The following DCLK3 variants were observed in gnomAD, a reference collection of about 807,000 sequenced individuals.
DCLK3 encodes the protein doublecortin like kinase 3.
DCLK3 carries 30 observed loss-of-function variants against 46.4 expected under a neutral mutation model. That is an observed-to-expected ratio of 0.65 (90% CI 0.48 to 0.88). The LOEUF (loss-of-function observed/expected upper bound fraction) is 0.88. Ranked by LOEUF, DCLK3 falls within the 40% of genes least tolerant of loss-of-function variation. The probability of loss-of-function intolerance (pLI) is 0.00; values close to 1 mark genes in which losing one functional copy is unlikely to be tolerated. For synonymous variants in DCLK3, 401 were observed against 339.2 expected (o/e 1.18, Z -2.00); for missense variants, 846 against 907.1 (o/e 0.93, Z 0.87).
intron 1 of DCLK3, among the ~76,000 whole-genome samples, chr3:36,758,824 A>G (rs1701511891): frequency 6.6e-6 from 1 of 152,238 alleles, no homozygotes; most frequent in Admixed American, 6.5e-5. Flanking sequence ...GAGAAAATTG[A>G]GCCATCATAA....
At chr3:36,741,403 T>C (rs1214164842) in intron 1 of DCLK3, among the ~76,000 whole-genome samples, 2 of 152,158 alleles carry the variant, frequency 1.3e-5, no homozygotes, top group Non-Finnish European at 2.9e-5. Context: ...TTAGCCTATA[T>C]CCTGGACTGA....
rs1323574861 is a variant in DCLK3 at position 36,739,015 on chromosome 3, C to G, written c.152G>C (p.Gly51Ala). Residue 51 changes from glycine to alanine, a missense_variant, in exon 2 of 5, where the codon GGC (glycine) becomes GCC (alanine). By Grantham distance (60) the Gly-to-Ala change is moderately conservative. Around this residue, in one of 3 missense-constraint regions of DCLK3, gnomAD observed 553 missense variants for 543.0 expected, o/e 1.02. Transcript: ENST00000636136. Reference sequence around the variant, plus strand: ...CCCTCGGCTGGCAGGCAGCCAGGAGCCTTGCAGCTTCCGCTCTGTGATTCT... The same window carrying G: ...CCCTCGGCTGGCAGGCAGCCAGGAGGCTTGCAGCTTCCGCTCTGTGATTCT... ...SSRITERKLQ[G>A]SWLPASRGNL... The G allele has an allele frequency of 2.5e-6, 1 of 398,842 alleles. No homozygotes were observed. Among genetic ancestry groups the G allele is most frequent in the Admixed American group, 4.4e-5 (1 of 22,718 alleles). 24.7% of individuals were successfully genotyped at this position (398,842 alleles called of 1,614,324 possible). A position where few individuals can be genotyped will look rare whatever the true frequency, so the allele number is the denominator to read the frequency against.
At chr3:36,730,223 C>T (rs200432601) in intron 2 of DCLK3, among the ~76,000 whole-genome samples, 2 of 144,566 alleles carry the variant, frequency 1.4e-5, no homozygotes, top group Admixed American at 6.8e-5. Context: ...CACACACACA[C>T]ACACAAACAC....
intron 1 of DCLK3, among the ~76,000 whole-genome samples, chr3:36,756,154 T>C (rs923269198): frequency 6.6e-6 from 1 of 152,136 alleles, no homozygotes; most frequent in African/African-American, 2.4e-5. Context: ...GACAGTGGCA[T>C]GAAAGAGTAG....
intron 3 of DCLK3, among the ~76,000 whole-genome samples, chr3:36,720,663 C>A (rs1701043860): frequency 6.6e-6 from 1 of 152,190 alleles, no homozygotes; most frequent in South Asian, 2.1e-4. Context: ...TGCCACCACG[C>A]CCAGCTAATT....
intron 2 of DCLK3, among the ~76,000 whole-genome samples, chr3:36,727,342 A>T (rs75142393): frequency 0.03 from 4,496 of 152,334 alleles, 74 homozygotes; most frequent in African/African-American, 0.055. Context: ...AGTATACCAA[A>T]GTAAGAAGTG....
chr3:36,727,776 T>C (rs1701143182), intron 2 of DCLK3, among the ~76,000 whole-genome samples: 1 of 152,238 alleles, frequency 6.6e-6, no homozygotes, highest in Non-Finnish European at 1.5e-5. Context: ...TTATTTAATA[T>C]TCTTCAGTGT....
intron 1 of DCLK3, among the ~76,000 whole-genome samples, chr3:36,759,440 AG>A (rs1701518688): frequency 6.6e-6 from 1 of 152,248 alleles, no homozygotes; most frequent in Non-Finnish European, 1.5e-5. Context: ...GAAAACTGGG[AG>A]AAGCTCTGTC....
chr3:36,755,136 C>T (rs903869629), intron 1 of DCLK3, among the ~76,000 whole-genome samples: 5 of 152,050 alleles, frequency 3.3e-5, no homozygotes, highest in African/African-American at 1.2e-4. Flanking sequence ...AACTACAAAA[C>T]TGTGAGAGGA....
At chr3:36,740,148 T>C (rs1048208287) in intron 1 of DCLK3, among the ~76,000 whole-genome samples, 1 of 151,104 alleles carries the variant, frequency 6.6e-6, no homozygotes, top group African/African-American at 2.4e-5. Flanking sequence ...TTTTTTCATT[T>C]ATAAAGTAAG....
intron 1 of DCLK3, among the ~76,000 whole-genome samples, chr3:36,748,052 T>C (rs533029371): frequency 6.6e-6 from 1 of 152,324 alleles, no homozygotes; most frequent in East Asian, 1.9e-4. Flanking sequence ...TCTATTTCAT[T>C]AGCCCTTAAA....
At chr3:36,725,189 G>A (rs905158888) in intron 2 of DCLK3, among the ~76,000 whole-genome samples, 8 of 151,996 alleles carry the variant, frequency 5.3e-5, no homozygotes, top group Non-Finnish European at 1.2e-4. Context: ...GCGGGCGCCT[G>A]TAGTCCCAGC....
At chr3:36,732,820 T>C (rs1444161991) in intron 2 of DCLK3, among the ~76,000 whole-genome samples, 1 of 152,208 alleles carries the variant, frequency 6.6e-6, no homozygotes, top group Non-Finnish European at 1.5e-5. Flanking sequence ...AAGAGAAATC[T>C]TGCTGATCAA....
chr3:36,722,991 A>C (rs1249503058), intron 2 of DCLK3, among the ~76,000 whole-genome samples: 1 of 152,210 alleles, frequency 6.6e-6, no homozygotes, highest in Non-Finnish European at 1.5e-5. Flanking sequence ...TCAGAAGAAG[A>C]CAGAAAAATG....
At chr3:36,724,182 C>T (rs529782099) in intron 2 of DCLK3, among the ~76,000 whole-genome samples, 32 of 152,138 alleles carry the variant, frequency 2.1e-4, no homozygotes, top group Non-Finnish European at 4.1e-4. Context: ...GCCTGTGGCC[C>T]CTTTGTTTTG....
chr3:36,735,017 C>A (rs769324208), intron 2 of DCLK3, among the ~76,000 whole-genome samples: 1 of 152,164 alleles, frequency 6.6e-6, no homozygotes, highest in Non-Finnish European at 1.5e-5. Context: ...AAAATGCAAA[C>A]TAAGCTAACT....
rs1277692451 is a variant in DCLK3 at position 36,714,943 on chromosome 3, T to C, written c.*385A>G. The C allele has an allele frequency of 5.7e-6, 1 of 175,808 alleles. No individual in the cohort carries two copies. Among genetic ancestry groups the C allele is most frequent in the Non-Finnish European group, 1.2e-5 (1 of 82,546 alleles). The allele number at this position is 175,808 out of a possible 1,614,324, so 10.9% of individuals were successfully genotyped here. A position where few individuals can be genotyped will look rare whatever the true frequency, so the allele number is the denominator to read the frequency against. ...GCCCACTTCTGTTATTCAGAGCACATTTTATTAACACAGAAAGACCACAAT... is the reference window on the plus strand; with the variant it reads ...GCCCACTTCTGTTATTCAGAGCACACTTTATTAACACAGAAAGACCACAAT... On this transcript the variant is annotated 3_prime_UTR_variant, in exon 5 of 5. Transcript: ENST00000636136.
chr3:36,748,983 C>G (rs537290785), intron 1 of DCLK3, among the ~76,000 whole-genome samples: 1 of 152,288 alleles, frequency 6.6e-6, no homozygotes, highest in African/African-American at 2.4e-5. Flanking sequence ...CAGACCTCCC[C>G]CTGGGGACAG....
At chr3:36,744,609 C>T (rs1417439537) in intron 1 of DCLK3, among the ~76,000 whole-genome samples, 1 of 152,204 alleles carries the variant, frequency 6.6e-6, no homozygotes, top group Admixed American at 6.5e-5. Flanking sequence ...TGAGGATGTC[C>T]AGTGCATTGC....
Sources: allele counts gnomAD v4.1 joint callset (sites outside exome capture counted in the v4.1 genomes callset), GRCh38; gene constraint gnomAD v4.1.1; regional missense constraint gnomAD v4.1.1; transcripts MANE v1.5; gene names NCBI Gene and HGNC (gene_info 2026-07-23, HGNC 2026-07-21).